GRID1: variants seen among roughly 807,000 people sequenced by gnomAD.
GRID1 encodes the protein glutamate receptor ionotropic, delta-1.
GRID1 carries 28 observed loss-of-function variants against 98.0 expected under a neutral mutation model. The ratio of observed to expected loss-of-function variants is 0.29; its 90% CI spans 0.21 to 0.39. The LOEUF is 0.39. Ranked by LOEUF, GRID1 falls within the 10% of genes least tolerant of loss-of-function variation. GRID1 has a pLI of 1.00. For missense variants in GRID1, 1,111 were observed against 1,340.5 expected, an observed-to-expected ratio of 0.83 and a Z score of 2.67; for synonymous variants, 553 against 538.5, an observed-to-expected ratio of 1.03 and a Z score of -0.37.
At chr10:86,005,219 G>A (rs1223345971) in intron 4 of GRID1, among the ~76,000 whole-genome samples, 1 of 152,034 alleles carries the variant, frequency 6.6e-6, no homozygotes, top group East Asian at 1.9e-4. Context: ...CTCTATGATT[G>A]ACCCACAGTT....
chr10:86,207,702 A>G (rs1846050285), intron 2 of GRID1, among the ~76,000 whole-genome samples: 3 of 132,826 alleles, frequency 2.3e-5, no homozygotes, highest in South Asian at 2.4e-4. Context: ...CGCGATCTCG[A>G]CTCACTGCAA....
At position 86,365,339 on chromosome 10, in the gene GRID1, A is replaced by T. The variant is rs192890904; in HGVS notation, c.79+975T>A. ...CTGGTCTTTCCCAACTTCCGGAAAG[A>T]CGACTGCGGAGGGACTCCCCCAAAG... On this transcript the variant is annotated intron_variant, in intron 1 of 15. Transcript: ENST00000327946. This position sits in a 1 kb window ranked among gnomAD's most constrained non-coding sequence, Gnocchi z 4.8. Among the ~76,000 whole-genome samples, 7 of 149,296 alleles carry T rather than the reference A, an allele frequency of 4.7e-5. No individual in the cohort carries two copies. The East Asian group carries it at 1.4e-3, about 30-fold the overall frequency.
intron 8 of GRID1, among the ~76,000 whole-genome samples, chr10:85,748,169 C>G (rs1303012850): frequency 6.6e-6 from 1 of 151,914 alleles, no homozygotes; most frequent in East Asian, 1.9e-4. Context: ...CTCAGACATT[C>G]AAACATTCAG....
chr10:85,811,229 T>C (rs12766136), intron 8 of GRID1, among the ~76,000 whole-genome samples: 10,483 of 152,252 alleles, frequency 0.069, 398 homozygotes, highest in Non-Finnish European at 0.081. Context: ...AACCCATCTA[T>C]AGGAATAAGG....
Position 85,663,605 on chromosome 10 carries a change from C to T in GRID1, c.1998-16208G>A, listed in dbSNP as rs116229692. On this transcript the variant is annotated intron_variant, in intron 12 of 15. Transcript: ENST00000327946. ...CAGAAACTTCCCTAATCATGGTACTCGTCTTGCTGTGCTGTACTGAGTCAC... is the reference window on the plus strand; with the variant it reads ...CAGAAACTTCCCTAATCATGGTACTTGTCTTGCTGTGCTGTACTGAGTCAC... 4.2e-3 allele frequency among the ~76,000 whole-genome samples: 645 copies of T among 152,236 alleles called. 4 individuals carry two copies. Among genetic ancestry groups the T allele is most frequent in the African/African-American group, 0.015 (622 of 41,546 alleles).
chr10:85,979,033 C>T (rs924278848), intron 4 of GRID1, among the ~76,000 whole-genome samples: 5 of 152,132 alleles, frequency 3.3e-5, no homozygotes, highest in South Asian at 2.1e-4. Context: ...AAGAGCTGAA[C>T]TTTGTGTGTA....
At chr10:85,932,319 C>G (rs1166061039) in intron 4 of GRID1, among the ~76,000 whole-genome samples, 1 of 152,186 alleles carries the variant, frequency 6.6e-6, no homozygotes, top group East Asian at 1.9e-4. Flanking sequence ...TCAAGTGATC[C>G]TCCCACCTCA....
At chr10:86,063,075 T>G (rs1168797901) in intron 4 of GRID1, among the ~76,000 whole-genome samples, 1 of 152,168 alleles carries the variant, frequency 6.6e-6, no homozygotes, top group Non-Finnish European at 1.5e-5. Flanking sequence ...GGATGGAGCC[T>G]CCACCTCCAC....
chr10:86,128,634 A>G (rs1844790219), intron 4 of GRID1, among the ~76,000 whole-genome samples: 1 of 152,110 alleles, frequency 6.6e-6, no homozygotes, highest in Non-Finnish European at 1.5e-5. Flanking sequence ...ACGGCCCACC[A>G]ACCTTGCCAC....
intron 2 of GRID1, among the ~76,000 whole-genome samples, chr10:86,232,841 G>C (rs1285016164): frequency 6.6e-6 from 1 of 152,024 alleles, no homozygotes; most frequent in East Asian, 1.9e-4. Flanking sequence ...CATATGAATG[G>C]GACCTGATTA....
chr10:86,240,852 T>C (rs561219564), intron 2 of GRID1, among the ~76,000 whole-genome samples: 16 of 152,280 alleles, frequency 1.1e-4, no homozygotes, highest in African/African-American at 3.8e-4. Flanking sequence ...GATAGCAGCA[T>C]GGGAGCCCCA....
At position 86,076,003 on chromosome 10, in the gene GRID1, G is replaced by A. The variant is rs553676964; in HGVS notation, c.726+62816C>T. ...ATGCCCTAGGCATGGCACCTAGTAGGTGCTTAGTAAAGTTTTAAAGGAGAG... is the reference window on the plus strand; with the variant it reads ...ATGCCCTAGGCATGGCACCTAGTAGATGCTTAGTAAAGTTTTAAAGGAGAG... On this transcript the variant is annotated intron_variant, in intron 4 of 15. Coordinates refer to ENST00000327946, the MANE Select transcript of GRID1 (RefSeq NM_017551.3). Among the ~76,000 whole-genome samples the A allele has an allele frequency of 4.6e-5, 7 of 152,348 alleles. No individual in the cohort carries two copies. The South Asian group carries it at 1.4e-3, about 32-fold the overall frequency.
At chr10:85,786,739 G>A (rs946882117) in intron 8 of GRID1, among the ~76,000 whole-genome samples, 2 of 152,200 alleles carry the variant, frequency 1.3e-5, no homozygotes, top group African/African-American at 4.8e-5. Context: ...GATTAGATTA[G>A]CATGCCCCAC....
chr10:85,773,575 C>G (rs1842296709), intron 8 of GRID1, among the ~76,000 whole-genome samples: 1 of 152,180 alleles, frequency 6.6e-6, no homozygotes, highest in African/African-American at 2.4e-5. Flanking sequence ...CTAGAAAACC[C>G]CATTGTCTCA....
At chr10:86,069,579 C>T (rs1250144471) in intron 4 of GRID1, among the ~76,000 whole-genome samples, 4 of 151,940 alleles carry the variant, frequency 2.6e-5, no homozygotes, top group Non-Finnish European at 1.5e-5. Flanking sequence ...ACCCGGGAGG[C>T]GGAGCTGGCA....
intron 2 of GRID1, among the ~76,000 whole-genome samples, chr10:86,291,671 C>T (rs146692954): frequency 2.6e-5 from 4 of 152,312 alleles, no homozygotes; most frequent in Non-Finnish European, 4.4e-5. Flanking sequence ...GATCACACAG[C>T]GCTAAGTCTC....
chr10:86,257,716 G>A (rs1434425343), intron 2 of GRID1, among the ~76,000 whole-genome samples: 1 of 152,184 alleles, frequency 6.6e-6, no homozygotes, highest in African/African-American at 2.4e-5. Flanking sequence ...GAATAGCCAG[G>A]CAGGTGTATG....
At chr10:86,203,277 G>A (rs1172706572) in intron 3 of GRID1, among the ~76,000 whole-genome samples, 2 of 152,120 alleles carry the variant, frequency 1.3e-5, no homozygotes, top group African/African-American at 4.8e-5. Context: ...GTGGGAGGAG[G>A]GGCCCTGAGG....
chr10:86,357,282 TGG>T (rs1848545808), intron 2 of GRID1, among the ~76,000 whole-genome samples: 1 of 152,218 alleles, frequency 6.6e-6, no homozygotes, highest in Admixed American at 6.5e-5. Context: ...GCTGCCTTCC[TGG>T]GCCCAATGCC....
Sources: gnomAD v4.1 joint callset for allele counts (sites outside exome capture counted in the v4.1 genomes callset) on GRCh38, gnomAD v4.1.1 for gene constraint, Gnocchi (gnomAD v3.1) non-coding constraint, MANE v1.5 for transcripts, NCBI Gene and HGNC (gene_info 2026-07-23, HGNC 2026-07-21) for gene names.